Variants in CTNNA2 observed in about 807,000 individuals in gnomAD.
CTNNA2 encodes the protein catenin alpha-2.
In CTNNA2, 42 loss-of-function variants were observed where a neutral mutation model predicts 101.0. The ratio of observed to expected loss-of-function variants is 0.42; its 90% CI spans 0.32 to 0.54. CTNNA2 has a LOEUF of 0.54. Among genes scored for constraint, CTNNA2 ranks in the 20% least tolerant of loss-of-function variants. The pLI is 0.14. For synonymous variants in CTNNA2, 450 were observed against 456.4 expected (o/e 0.99, Z 0.18); for missense variants, 871 against 1,223.1 (o/e 0.71, Z 4.29).
rs529690189 is a variant in CTNNA2 at position 80,645,282 on chromosome 2, CTG to C, written c.2575-2300_2575-2299del. Among the ~76,000 whole-genome samples the C allele has an allele frequency of 4.3e-4, 65 of 152,296 alleles. No individual in the cohort carries two copies. In the Middle Eastern group the frequency reaches 0.01, roughly 24 times the overall value. On this transcript the variant is annotated intron_variant, in intron 18 of 18. Coordinates refer to ENST00000402739, the MANE Select transcript of CTNNA2 (RefSeq NM_001282597.3). ...GTTAGGTATTTAGCTTCTAAAGAAA[CTG>C]TGACTTATCTGTTCCTGATTGTTCC...
chr2:80,028,232 T>TC (rs1695067700), intron 7 of CTNNA2: 1 of 152,122 alleles, frequency 6.6e-6, no homozygotes, highest in Non-Finnish European at 1.5e-5. Context: ...AGTCTTTTTT[T>TC]CCTCCCTCTT....
In CTNNA2 at chr2:80,341,836, A is replaced by G. The variant is rs1333209916; in HGVS notation, c.1057-51375A>G. On this transcript the variant is annotated intron_variant, in intron 7 of 18. Transcript: ENST00000402739. ...GAATGTTCATACAGCATTATTCACA[A>G]CAGCCAAAAATTGCAGAGAACACAA... 2.6e-5 allele frequency among the ~76,000 whole-genome samples: 4 copies of G among 152,230 alleles called. No homozygotes were observed. In the East Asian group the frequency reaches 7.7e-4, roughly 29 times the overall value.
chr2:79,632,590 T>G (rs1679764237), intron 1 of CTNNA2, among the ~76,000 whole-genome samples: 2 of 152,208 alleles, frequency 1.3e-5, no homozygotes, highest in Admixed American at 6.5e-5. Flanking sequence ...AAGGCCCAAG[T>G]TATGTTATGG....
intron 7 of CTNNA2, among the ~76,000 whole-genome samples, chr2:79,914,489 G>A (rs919170444): frequency 2.0e-5 from 3 of 152,158 alleles, no homozygotes; most frequent in Non-Finnish European, 4.4e-5. Flanking sequence ...CCTATGATGA[G>A]AATATGCAAT....
chr2:79,740,714 ATTG>A (rs1671232436), intron 2 of CTNNA2, among the ~76,000 whole-genome samples: 1 of 152,224 alleles, frequency 6.6e-6, no homozygotes, highest in East Asian at 1.9e-4. Context: ...GCAGCCTCTC[ATTG>A]TTAGAAAGAA....
At chr2:80,398,055 A>T (rs1678191445) in intron 8 of CTNNA2, among the ~76,000 whole-genome samples, 1 of 152,140 alleles carries the variant, frequency 6.6e-6, no homozygotes, top group African/African-American at 2.4e-5. Flanking sequence ...AATGTCAAAA[A>T]CATGGTTCTT....
intron 2 of CTNNA2, among the ~76,000 whole-genome samples, chr2:79,243,153 C>G (rs1674655723): frequency 6.6e-6 from 1 of 151,788 alleles, no homozygotes; most frequent in Non-Finnish European, 1.5e-5. Flanking sequence ...GGTTGGAGCA[C>G]AGTTATAAAG....
chr2:80,488,330 C>T (rs1324162051), intron 9 of CTNNA2, among the ~76,000 whole-genome samples: 1 of 151,552 alleles, frequency 6.6e-6, no homozygotes, highest in East Asian at 1.9e-4. Flanking sequence ...TTTTTTCCCA[C>T]CTGGCCTGGT....
At chr2:80,284,243 A>G (rs978525652) in intron 7 of CTNNA2, among the ~76,000 whole-genome samples, 21 of 152,136 alleles carry the variant, frequency 1.4e-4, no homozygotes, top group African/African-American at 5.1e-4. Context: ...CTAACTCTGG[A>G]TGATAAAATA....
chr2:79,338,572 C>CTCT (rs1206814071), intron 3 of CTNNA2, among the ~76,000 whole-genome samples: 28 of 127,240 alleles, frequency 2.2e-4, no homozygotes, highest in East Asian at 5.1e-4. Context: ...CTTCTTCCTC[C>CTCT]TCATCATCTT....
intron 4 of CTNNA2, among the ~76,000 whole-genome samples, chr2:79,385,978 G>C (rs1433144618): frequency 6.6e-6 from 1 of 150,926 alleles, no homozygotes; most frequent in African/African-American, 2.5e-5. Context: ...ATTGAAGAGT[G>C]CTGCAATAAA....
chr2:80,419,670 T>C, intron 9 of CTNNA2, 69 bp downstream of exon 9: 1 of 1,470,200 alleles, frequency 6.8e-7, no homozygotes, highest in Non-Finnish European at 9.3e-7. Context: ...GCTCTTAGAA[T>C]TTCACTAGAG....
At chr2:80,061,600 A>G (rs959647155) in intron 7 of CTNNA2, among the ~76,000 whole-genome samples, 7 of 152,214 alleles carry the variant, frequency 4.6e-5, no homozygotes, top group African/African-American at 9.6e-5. Flanking sequence ...TCTCTGTGCT[A>G]TGTTCCAATC....
intron 2 of CTNNA2, among the ~76,000 whole-genome samples, chr2:79,670,042 G>A (rs1223924007): frequency 6.6e-6 from 1 of 152,202 alleles, no homozygotes; most frequent in Non-Finnish European, 1.5e-5. Context: ...ACAACTCTGA[G>A]CCTGCAGGAA....
At chr2:80,352,658 C>A (rs886236785) in intron 7 of CTNNA2, among the ~76,000 whole-genome samples, 1 of 152,034 alleles carries the variant, frequency 6.6e-6, no homozygotes, top group Admixed American at 6.6e-5. Flanking sequence ...TTTCTTAGGG[C>A]ATGATTTATT....
intron 3 of CTNNA2, among the ~76,000 whole-genome samples, chr2:79,334,288 A>C (rs1213875812): frequency 6.6e-6 from 1 of 152,202 alleles, no homozygotes; most frequent in African/African-American, 2.4e-5. Flanking sequence ...CCTCAAGGTC[A>C]TAAAACTATG....
intron 7 of CTNNA2, among the ~76,000 whole-genome samples, chr2:79,987,626 T>A (rs1364085992): frequency 1.3e-5 from 2 of 152,208 alleles, no homozygotes; most frequent in African/African-American, 4.8e-5. Flanking sequence ...TTTAAGACAA[T>A]AAATGATAGA....
At chr2:80,060,684 C>T (rs1016498450) in intron 7 of CTNNA2, among the ~76,000 whole-genome samples, 2 of 152,028 alleles carry the variant, frequency 1.3e-5, no homozygotes, top group African/African-American at 4.8e-5. Context: ...AATGCTCTTT[C>T]TTCTTTCCTT....
chr2:80,119,215 C>T (rs1168197624), intron 7 of CTNNA2, among the ~76,000 whole-genome samples: 1 of 152,140 alleles, frequency 6.6e-6, no homozygotes, highest in Non-Finnish European at 1.5e-5. Flanking sequence ...TAGAGGCCAA[C>T]AATATTTGAT....
Sources: allele counts gnomAD v4.1 joint callset (sites outside exome capture counted in the v4.1 genomes callset), GRCh38; gene constraint gnomAD v4.1.1; transcripts MANE v1.5; gene names NCBI Gene and HGNC (gene_info 2026-07-23, HGNC 2026-07-21).